CRPPA: variants seen among roughly 807,000 people sequenced by gnomAD.
CRPPA encodes the protein D-ribitol-5-phosphate cytidylyltransferase.
In CRPPA, 43 loss-of-function variants were observed where a neutral mutation model predicts 52.0. The observed-to-expected ratio is 0.83, with a 90% CI of 0.65 to 1.07. The LOEUF is 1.07. Among genes scored for constraint, CRPPA ranks in the 50% least tolerant of loss-of-function variants. CRPPA has a pLI of 0.00. For synonymous variants in CRPPA, 250 were observed against 203.5 expected (o/e 1.23, Z -1.94); for missense variants, 629 against 551.7 (o/e 1.14, Z -1.40).
intron 9 of CRPPA, among the ~76,000 whole-genome samples, chr7:16,191,681 T>C (rs1175310495): frequency 6.6e-6 from 1 of 152,126 alleles, no homozygotes; most frequent in Non-Finnish European, 1.5e-5. Context: ...GGTTGCTTCC[T>C]TTAGTGAAAT....
chr7:16,373,990 G>A (rs1458650446), intron 3 of CRPPA, among the ~76,000 whole-genome samples: 1 of 152,138 alleles, frequency 6.6e-6, no homozygotes, highest in Non-Finnish European at 1.5e-5. Flanking sequence ...AACTTCATAT[G>A]ACACCTTGGT....
intron 3 of CRPPA, among the ~76,000 whole-genome samples, chr7:16,330,446 C>G (rs1015534457): frequency 5.9e-5 from 9 of 152,202 alleles, no homozygotes; most frequent in Non-Finnish European, 8.8e-5. Context: ...ATAGGTCAAG[C>G]TGCTGTCCCC....
chr7:16,330,016 G>A (rs964145072), intron 3 of CRPPA, among the ~76,000 whole-genome samples: 3 of 152,126 alleles, frequency 2.0e-5, no homozygotes, highest in Admixed American at 6.6e-5. Context: ...TGAAAATCAC[G>A]GTATATCGCT....
At chr7:16,277,839 G>T (rs1385218928) in intron 6 of CRPPA, among the ~76,000 whole-genome samples, 1 of 151,992 alleles carries the variant, frequency 6.6e-6, no homozygotes, top group Non-Finnish European at 1.5e-5. Flanking sequence ...TGGCCACTAT[G>T]CCTCTTAAGA....
rs77093495 is a variant in CRPPA at position 16,364,483 on chromosome 7, T to C, written c.684+11609A>G. On this transcript the variant is annotated intron_variant, in intron 3 of 9. Transcript: ENST00000407010. ...CTATGAGTCCTGATTGAGAAGGAAA[T>C]CCCACAGCAGTGCGTTGCATGCTTG... is the stretch of plus-strand genomic sequence containing the variant. Among the ~76,000 whole-genome samples the C allele has an allele frequency of 6.3e-3, 964 of 152,264 alleles. 9 individuals carry two copies. Among genetic ancestry groups the C allele is most frequent in the South Asian group, 7.0e-3 (34 of 4,832 alleles).
chr7:16,216,906 C>T (rs889726579), intron 8 of CRPPA, among the ~76,000 whole-genome samples: 1 of 151,956 alleles, frequency 6.6e-6, no homozygotes, highest in Non-Finnish European at 1.5e-5. Context: ...GTAAACAAAG[C>T]AGCCGGGAAG....
chr7:16,173,570 A>G (rs1781236596), intron 9 of CRPPA, among the ~76,000 whole-genome samples: 1 of 152,218 alleles, frequency 6.6e-6, no homozygotes, highest in South Asian at 2.1e-4. Context: ...AAAACTAATC[A>G]GAGAGTATAA....
intron 2 of CRPPA, among the ~76,000 whole-genome samples, chr7:16,398,366 A>T (rs1183697584): frequency 7.8e-6 from 1 of 128,920 alleles, no homozygotes; most frequent in Non-Finnish European, 1.6e-5. Context: ...GACAGAGGCA[A>T]GACCAGGGCA....
intron 8 of CRPPA, among the ~76,000 whole-genome samples, chr7:16,232,067 G>C (rs1183664614): frequency 6.6e-6 from 1 of 152,130 alleles, no homozygotes; most frequent in Admixed American, 6.5e-5. Context: ...GAGCTCTATA[G>C]AACATCAGAA....
chr7:16,379,713 G>C (rs1401723389), intron 2 of CRPPA, among the ~76,000 whole-genome samples: 1 of 152,150 alleles, frequency 6.6e-6, no homozygotes, highest in African/African-American at 2.4e-5. Flanking sequence ...CACATCCCTT[G>C]TAAGTTGGAT....
rs35595388 is a variant in CRPPA, at chr7:16,124,107, C to CTTTTTTT, written c.1252-32315_1252-32309dup. Among the ~76,000 whole-genome samples, 6 of 133,612 alleles carry CTTTTTTT rather than the reference C, an allele frequency of 4.5e-5. 2 individuals are homozygous for CTTTTTTT. The highest frequency in any genetic ancestry group is 6.3e-5 in the Non-Finnish European group (4 of 63,270). The allele number at this position is 133,612 out of a possible 152,430, so 87.7% of individuals were successfully genotyped here. A position where few individuals can be genotyped will look rare whatever the true frequency, so the allele number is the denominator to read the frequency against. ...TGGATCATATAGGCTCAATTTCTTT[C>CTTTTTTT]TTTTTTTATTTTTTTTTTGAGGAAC... On this transcript the variant is annotated intron_variant, in intron 9 of 9. Coordinates refer to ENST00000407010, the MANE Select transcript of CRPPA (RefSeq NM_001101426.4).
chr7:16,372,466 G>A (rs1477989170), intron 3 of CRPPA, among the ~76,000 whole-genome samples: 1 of 152,202 alleles, frequency 6.6e-6, no homozygotes, highest in African/African-American at 2.4e-5. Context: ...AAATGAAGGA[G>A]AGATAAAATC....
chr7:16,348,557 G>A (rs992208877), intron 3 of CRPPA, among the ~76,000 whole-genome samples: 5 of 152,172 alleles, frequency 3.3e-5, no homozygotes, highest in Admixed American at 2.0e-4. Flanking sequence ...TCCTGAAGAG[G>A]ACCAAACCAA....
At chr7:16,103,204 A>T (rs757066719) in intron 9 of CRPPA, among the ~76,000 whole-genome samples, 3 of 152,206 alleles carry the variant, frequency 2.0e-5, no homozygotes, top group South Asian at 4.1e-4. Flanking sequence ...TAACACAGCA[A>T]GAGAAAACAA....
chr7:16,380,599 G>A (rs1238705805), intron 2 of CRPPA, among the ~76,000 whole-genome samples: 6 of 152,064 alleles, frequency 3.9e-5, no homozygotes, highest in Non-Finnish European at 7.4e-5. Context: ...GGTAGAATTC[G>A]GCTGTGAATC....
chr7:16,148,089 C>T (rs1783008206), intron 9 of CRPPA, among the ~76,000 whole-genome samples: 1 of 152,122 alleles, frequency 6.6e-6, no homozygotes, highest in South Asian at 2.1e-4. Flanking sequence ...TATATACATA[C>T]CTTATTTCTC....
At chr7:16,118,922 A>G (rs564787441) in intron 9 of CRPPA, among the ~76,000 whole-genome samples, 7 of 152,262 alleles carry the variant, frequency 4.6e-5, no homozygotes, top group Non-Finnish European at 1.0e-4. Context: ...GCCCTTACTC[A>G]GCTGAGGGAG....
intron 9 of CRPPA, among the ~76,000 whole-genome samples, chr7:16,142,226 C>G (rs941971515): frequency 6.6e-6 from 1 of 152,094 alleles, no homozygotes; most frequent in Non-Finnish European, 1.5e-5. Flanking sequence ...ATTTTAGGTT[C>G]AGGGCTACAT....
intron 8 of CRPPA, among the ~76,000 whole-genome samples, chr7:16,232,556 A>T (rs1003136366): frequency 6.6e-6 from 1 of 152,112 alleles, no homozygotes. Context: ...TAAATTGCCC[A>T]GTTCATGTTA....
Sources: gnomAD v4.1 joint callset for allele counts (sites outside exome capture counted in the v4.1 genomes callset) on GRCh38, gnomAD v4.1.1 for gene constraint, MANE v1.5 for transcripts, NCBI Gene and HGNC (gene_info 2026-07-23, HGNC 2026-07-21) for gene names.